The following KPNA6 variants were observed in gnomAD, a reference collection of about 807,000 sequenced individuals.
KPNA6 encodes the protein karyopherin subunit alpha 6.
KPNA6 carries 9 observed loss-of-function variants against 72.0 expected under a neutral mutation model. The observed-to-expected ratio is 0.13, with a 90% CI of 0.08 to 0.22. The LOEUF is 0.22. KPNA6 is among the 10% of genes least tolerant of loss of function. KPNA6 has a pLI of 1.00. For synonymous variants in KPNA6, 219 were observed against 242.1 expected (o/e 0.90, Z 0.89); for missense variants, 374 against 655.7 (o/e 0.57, Z 4.69).
At chr1:32,162,149 A>G in intron 8 of KPNA6, 103 bp downstream of exon 8, 1 of 1,020,106 alleles carries the variant, frequency 9.8e-7, no homozygotes, top group Non-Finnish European at 1.5e-6. Context: ...TGGGAAACTG[A>G]AAGAAGCAAT....
At chr1:32,129,672 T>C (rs1192478174) in intron 1 of KPNA6, among the ~76,000 whole-genome samples, 1 of 152,074 alleles carries the variant, frequency 6.6e-6, no homozygotes, top group Non-Finnish European at 1.5e-5. Flanking sequence ...CGTCCTGCCT[T>C]AGCTTCCCAA....
chr1:32,117,145 G>A (rs1297506311), intron 1 of KPNA6, among the ~76,000 whole-genome samples: 1 of 151,704 alleles, frequency 6.6e-6, no homozygotes, highest in Non-Finnish European at 1.5e-5. Context: ...GCTTAACATA[G>A]GATTGCCACA....
intron 1 of KPNA6, among the ~76,000 whole-genome samples, chr1:32,131,821 T>A (rs532885708): frequency 2.2e-3 from 334 of 151,760 alleles, no homozygotes; most frequent in Non-Finnish European, 3.2e-3. Flanking sequence ...GCACCCCACC[T>A]TTTTTTCTTC....
At chr1:32,124,438 G>A (rs1641495176) in intron 1 of KPNA6, among the ~76,000 whole-genome samples, 1 of 151,714 alleles carries the variant, frequency 6.6e-6, no homozygotes, top group African/African-American at 2.4e-5. Flanking sequence ...CACTTTGGGA[G>A]GCCAAGGCGG....
intron 1 of KPNA6, among the ~76,000 whole-genome samples, chr1:32,109,723 A>T (rs537997261): frequency 7.4e-5 from 11 of 148,454 alleles, no homozygotes; most frequent in African/African-American, 2.7e-4. Context: ...GGCTCACTGC[A>T]ACTACCACCT....
chr1:32,159,049 A>G (rs950507343), intron 5 of KPNA6, among the ~76,000 whole-genome samples: 1 of 152,176 alleles, frequency 6.6e-6, no homozygotes, highest in African/African-American at 2.4e-5. Context: ...TCTAATCCTC[A>G]TTTCAGAAAT....
At position 32,167,858 on chromosome 1, in the gene KPNA6, A is replaced by AC. The variant is rs1243751428; in HGVS notation, c.1244+562_1244+563insC. Among the ~76,000 whole-genome samples, 257 of 148,322 alleles carry AC rather than the reference A, an allele frequency of 1.7e-3. 3 individuals carry two copies. The highest frequency in any genetic ancestry group is 0.014 in the East Asian group (71 of 5,126). The stretch of plus-strand genomic sequence containing the variant: ...GACAGAGCCAGAGTCTGTCACAAAA[A>AC]AAAAAAAAAACAAAAAAAAACAAGC... On this transcript the variant is annotated intron_variant, in intron 12 of 13. Coordinates refer to ENST00000373625, the MANE Select transcript of KPNA6 (RefSeq NM_012316.5).
At chr1:32,128,124 T>C (rs1330500106) in intron 1 of KPNA6, among the ~76,000 whole-genome samples, 1 of 151,908 alleles carries the variant, frequency 6.6e-6, no homozygotes, top group Non-Finnish European at 1.5e-5. Context: ...GAAGTGTTCC[T>C]AGAAAGGTAA....
chr1:32,165,321 A>G (rs1642312801), intron 10 of KPNA6, among the ~76,000 whole-genome samples: 3 of 152,060 alleles, frequency 2.0e-5, no homozygotes, highest in Admixed American at 6.6e-5. Flanking sequence ...AGTAGCTGGG[A>G]CTGCAGGTGC....
chr1:32,134,492 T>G (rs1307286700), intron 1 of KPNA6, among the ~76,000 whole-genome samples: 3 of 151,410 alleles, frequency 2.0e-5, no homozygotes, highest in Admixed American at 1.3e-4. Flanking sequence ...AATACAAAAA[T>G]TAGCCAGATG....
At chr1:32,141,913 G>T (rs1641845252) in intron 1 of KPNA6, among the ~76,000 whole-genome samples, 1 of 152,056 alleles carries the variant, frequency 6.6e-6, no homozygotes, top group South Asian at 2.1e-4. Context: ...CCACAGACTG[G>T]GTGGTTTAAA....
chr1:32,128,410 TATATATATATATATATAC>T (rs1392787070), intron 1 of KPNA6, among the ~76,000 whole-genome samples: 60 of 131,142 alleles, frequency 4.6e-4, no homozygotes, highest in African/African-American at 1.7e-3. Flanking sequence ...TATATATATA[TATATATATATATATATAC>T]ACACACACAC....
At chr1:32,159,552 G>T (rs759502414) in intron 6 of KPNA6, 21 bp downstream of exon 6, 1 of 1,610,812 alleles carries the variant, frequency 6.2e-7, no homozygotes, top group South Asian at 1.1e-5. Flanking sequence ...GATTTGGTGT[G>T]ATTCTTTATA....
rs773346311 is a variant in KPNA6, at chr1:32,154,661, A to G, written c.78A>G (p.Glu26=). Reference sequence around the variant, plus strand: ...AGAACAATGCTCTAAACCCTGAAGAAATGAGACGAAGAAGAGAGGAAGAGG... The same window carrying G: ...AGAACAATGCTCTAAACCCTGAAGAGATGAGACGAAGAAGAGAGGAAGAGG... The part of the protein sequence containing the change: ...SYKNNALNPE[E]MRRRREEEGI... Residue 26 remains glutamate, a synonymous_variant, in exon 2 of 14, where the codon GAA becomes GAG. Coordinates refer to ENST00000373625, the MANE Select transcript of KPNA6 (RefSeq NM_012316.5). The G allele has an allele frequency of 1.4e-5, 22 of 1,614,022 alleles. No individual in the cohort carries two copies. The highest frequency in any genetic ancestry group is 3.3e-5 in the Admixed American group (2 of 59,992).
intron 1 of KPNA6, among the ~76,000 whole-genome samples, chr1:32,124,576 G>C (rs998735481): frequency 6.7e-6 from 1 of 150,080 alleles, no homozygotes; most frequent in East Asian, 2.0e-4. Context: ...GCACGATCTC[G>C]GCTCACTGCA....
Position 32,156,881 on chromosome 1 carries a change from TTAATGAAGAAGCTGC to T in KPNA6, c.168_182del (p.Asn57_Ala61del). The T allele has an allele frequency of 6.2e-7, 1 of 1,614,134 alleles. No individual in the cohort carries two copies. Among genetic ancestry groups the T allele is most frequent in the Non-Finnish European group, 8.5e-7 (1 of 1,179,988 alleles). On this transcript the variant is annotated inframe_deletion, in exon 3 of 14. Coordinates refer to ENST00000373625, the MANE Select transcript of KPNA6 (RefSeq NM_012316.5). ...TTTAAACGGAGAAATGTGGAGCTGA[TTAATGAAGAAGCTGC>T]CATGTTCGATAGTCTTCTCATGGAC...
At position 32,175,129 on chromosome 1, in the gene KPNA6, C is replaced by G. The variant is rs1021134811; in HGVS notation, c.*4235C>G. The G allele has an allele frequency of 6.6e-6, 1 of 152,234 alleles. No individual in the cohort carries two copies. Among genetic ancestry groups the G allele is most frequent in the African/African-American group, 2.4e-5 (1 of 41,458 alleles). The allele number at this position is 152,234 out of a possible 1,614,324, so 9.4% of individuals were successfully genotyped here. ...GCAAAGGAAGAACTTGAGGTCAAGA[C>G]CAACCAAATCTGTGAATTAAAGCTG... On this transcript the variant is annotated 3_prime_UTR_variant, in exon 14 of 14. Coordinates refer to ENST00000373625, the MANE Select transcript of KPNA6 (RefSeq NM_012316.5).
intron 1 of KPNA6, among the ~76,000 whole-genome samples, chr1:32,129,852 G>A (rs1570011746): frequency 6.6e-6 from 1 of 152,296 alleles, no homozygotes; most frequent in South Asian, 2.1e-4. Context: ...GAATTGAGAA[G>A]CAGCATTGAC....
chr1:32,114,451 A>AATATATATATATATAT (rs1553125089), intron 1 of KPNA6, among the ~76,000 whole-genome samples: 6 of 145,560 alleles, frequency 4.1e-5, no homozygotes, highest in African/African-American at 1.5e-4. Flanking sequence ...CAAAAAAAAA[A>AATATATATATATATAT]ATATATATAT....
Sources: allele counts gnomAD v4.1 joint callset (sites outside exome capture counted in the v4.1 genomes callset), GRCh38; gene constraint gnomAD v4.1.1; transcripts MANE v1.5; gene names NCBI Gene and HGNC (gene_info 2026-07-23, HGNC 2026-07-21).